The following NRG1 variants were observed in gnomAD, a reference collection of about 807,000 sequenced individuals.
NRG1 encodes pro-neuregulin-1, membrane-bound isoform.
In NRG1, 18 loss-of-function variants were observed where a neutral mutation model predicts 63.8. The observed-to-expected ratio is 0.28, with a 90% CI of 0.19 to 0.42. The LOEUF is 0.42. Ranked by LOEUF, NRG1 falls within the 10% of genes least tolerant of loss-of-function variation. The probability of loss-of-function intolerance (pLI) is 1.00; values close to 1 mark genes in which losing one functional copy is unlikely to be tolerated. For synonymous variants in NRG1, 302 were observed against 301.3 expected, an observed-to-expected ratio of 1.00 and a Z score of -0.02; for missense variants, 762 against 814.7, an observed-to-expected ratio of 0.94 and a Z score of 0.79.
chr8:31,957,291 C>T (rs115282838), intron 1 of NRG1, among the ~76,000 whole-genome samples: 1 of 151,592 alleles, frequency 6.6e-6, no homozygotes, highest in South Asian at 2.1e-4. Context: ...CACACACATA[C>T]CCATGCACTA....
At chr8:31,971,828 T>A (rs1288142238) in intron 1 of NRG1, among the ~76,000 whole-genome samples, 1 of 152,192 alleles carries the variant, frequency 6.6e-6, no homozygotes, top group Non-Finnish European at 1.5e-5. Flanking sequence ...AGGTGTGGGC[T>A]CTTTTTGGTT....
intron 1 of NRG1, among the ~76,000 whole-genome samples, chr8:32,009,886 A>T (rs139553585): frequency 0.023 from 1,217 of 53,492 alleles, 24 homozygotes; most frequent in South Asian, 0.18. Context: ...CAGCCCTCCC[A>T]TCCCTCCCAT....
intron 1 of NRG1, among the ~76,000 whole-genome samples, chr8:32,400,087 A>T (rs2129484551): frequency 6.6e-6 from 1 of 152,318 alleles, no homozygotes; most frequent in South Asian, 2.1e-4. Context: ...TTACTTAGGA[A>T]CATAAATACT....
At chr8:32,599,289 A>G (rs563727283) in intron 2 of NRG1, among the ~76,000 whole-genome samples, 36 of 152,108 alleles carry the variant, frequency 2.4e-4, no homozygotes, top group Non-Finnish European at 4.4e-4. Flanking sequence ...GGTGAAGTTT[A>G]GTTTGAGGTG....
chr8:31,908,550 A>G (rs1358222112), intron 1 of NRG1, among the ~76,000 whole-genome samples: 3 of 152,042 alleles, frequency 2.0e-5, no homozygotes, highest in African/African-American at 4.8e-5. Flanking sequence ...TGTATCCATC[A>G]CCTCCAAAAT....
At chr8:31,799,517 A>G (rs1008476142) in intron 1 of NRG1, among the ~76,000 whole-genome samples, 5 of 152,138 alleles carry the variant, frequency 3.3e-5, no homozygotes, top group Non-Finnish European at 7.4e-5. Context: ...CACAGTATCC[A>G]TGATTCCAAC....
chr8:32,642,977 C>A (rs527541297), intron 5 of NRG1, among the ~76,000 whole-genome samples: 3 of 152,120 alleles, frequency 2.0e-5, no homozygotes, highest in Non-Finnish European at 4.4e-5. Context: ...GAATTCATAG[C>A]CTAGCTTGAA....
chr8:32,746,106 G>C (rs1827374010), intron 7 of NRG1, among the ~76,000 whole-genome samples: 1 of 152,094 alleles, frequency 6.6e-6, no homozygotes, highest in Admixed American at 6.6e-5. Context: ...CCAAGTGTTA[G>C]TGAGATTTTA....
exon 1 of NRG1, chr8:32,548,523 G>C: frequency 3.2e-6 from 4 of 1,243,590 alleles, no homozygotes; most frequent in Non-Finnish European, 4.0e-6. Context: ...GCGAGCGCCC[G>C]TTCCAGGTGG....
intron 1 of NRG1, among the ~76,000 whole-genome samples, chr8:32,299,292 T>C (rs780149494): frequency 6.6e-6 from 1 of 152,158 alleles, no homozygotes; most frequent in South Asian, 2.1e-4. Context: ...CAAAAACATG[T>C]TTGCTTTCTG....
intron 1 of NRG1, among the ~76,000 whole-genome samples, chr8:32,485,585 AGAAG>A (rs1011155882): frequency 1.3e-5 from 2 of 152,238 alleles, no homozygotes; most frequent in Non-Finnish European, 2.9e-5. Context: ...CAGACACTCA[AGAAG>A]GAAGGAAGGA....
At chr8:32,383,417 C>G (rs1157892318) in intron 1 of NRG1, among the ~76,000 whole-genome samples, 5 of 152,122 alleles carry the variant, frequency 3.3e-5, no homozygotes, top group Non-Finnish European at 5.9e-5. Flanking sequence ...AGGGTAGCCA[C>G]CAGAGGGCTA....
chr8:32,770,804 G>T (rs1831733832), downstream of NRG1, among the ~76,000 whole-genome samples: 1 of 152,114 alleles, frequency 6.6e-6, no homozygotes, highest in South Asian at 2.1e-4. Flanking sequence ...ACCGTGGTGT[G>T]GTCAGGATTA....
chr8:32,088,853 T>G (rs1391915256), intron 1 of NRG1, among the ~76,000 whole-genome samples: 1 of 151,960 alleles, frequency 6.6e-6, no homozygotes, highest in East Asian at 1.9e-4. Flanking sequence ...TCCTCTATGT[T>G]AGAAAACAGT....
At chr8:32,647,231 C>T (rs1004919306) in intron 5 of NRG1, 36 of 985,230 alleles carry the variant, frequency 3.7e-5, no homozygotes, top group Non-Finnish European at 4.1e-5. Context: ...TACTGCCTCT[C>T]CTGCCGCCGC....
intron 1 of NRG1, among the ~76,000 whole-genome samples, chr8:32,257,771 T>C (rs1159245515): frequency 6.6e-6 from 1 of 152,220 alleles, no homozygotes; most frequent in Non-Finnish European, 1.5e-5. Context: ...CACTATTGAC[T>C]TGAAGACCTG....
chr8:32,415,332 C>T (rs560484905), intron 1 of NRG1, among the ~76,000 whole-genome samples: 5 of 140,320 alleles, frequency 3.6e-5, no homozygotes, highest in East Asian at 2.0e-4. Context: ...TGCTTGAACC[C>T]GGAGGTGGAG....
chr8:32,429,567 A>T (rs1817865708), intron 1 of NRG1, among the ~76,000 whole-genome samples: 1 of 152,240 alleles, frequency 6.6e-6, no homozygotes, highest in Admixed American at 6.5e-5. Flanking sequence ...TACACAGCTA[A>T]TAATTCAAGA....
intron 1 of NRG1, among the ~76,000 whole-genome samples, chr8:31,921,130 A>G (rs1356246437): frequency 6.6e-6 from 1 of 152,186 alleles, no homozygotes; most frequent in African/African-American, 2.4e-5. Flanking sequence ...CTACTGAGGT[A>G]CCCATTACTG....
Sources: gnomAD v4.1 joint callset for allele counts (sites outside exome capture counted in the v4.1 genomes callset) on GRCh38, gnomAD v4.1.1 for gene constraint, MANE v1.5 for transcripts, NCBI Gene and HGNC (gene_info 2026-07-23, HGNC 2026-07-21) for gene names.